EVPL: variants seen among roughly 807,000 people sequenced by gnomAD.
EVPL encodes 210 kDa cornified envelope precursor protein.
Under a neutral mutation model 129.7 loss-of-function variants are expected in EVPL, and 94 were observed. That is an observed-to-expected ratio of 0.72 (90% CI 0.61 to 0.86). The LOEUF (loss-of-function observed/expected upper bound fraction) is 0.86. Among genes scored for constraint, EVPL ranks in the 40% least tolerant of loss-of-function variants. The pLI, the probability that EVPL is intolerant of heterozygous loss-of-function variation, is 0.00. For synonymous variants in EVPL, 1,172 were observed against 1,191.1 expected, an observed-to-expected ratio of 0.98 and a Z score of 0.33; for missense variants, 2,625 against 2,721.1, an observed-to-expected ratio of 0.96 and a Z score of 0.79.
intron 9 of EVPL, among the ~76,000 whole-genome samples, chr17:76,020,102 CAAACCAGATAAACTT>C (rs1310541435): frequency 7.3e-5 from 11 of 151,598 alleles, no homozygotes; most frequent in Admixed American, 2.0e-4. Context: ...CAGCTAAACA[CAAACCAGATAAACTT>C]AAACCAGATA....
Position 76,007,605 on chromosome 17 carries a change from C to G in EVPL, c.5600G>C (p.Gly1867Ala), listed in dbSNP as rs767157285. ...KLLEAQAATG[G>A]IVDLLSRERY... Reference sequence around the variant, plus strand: ...CTCACGGCTGAGCAGGTCCACGATGCCCCCTGTGGCCGCCTGGGCCTCCAG... The same window carrying G: ...CTCACGGCTGAGCAGGTCCACGATGGCCCCTGTGGCCGCCTGGGCCTCCAG... The change falls in exon 22 of 22, where the codon GGC becomes GCC. Residue 1867 changes from glycine (G) to alanine (A), a missense_variant. Gly to Ala is a moderately conservative substitution (Grantham distance 60). Coordinates refer to ENST00000301607, the MANE Select transcript of EVPL (RefSeq NM_001988.4). This position sits in a 1 kb window ranked among gnomAD's most constrained non-coding sequence, Gnocchi z 8.8. 6.2e-7 allele frequency: 1 copy of G among 1,613,876 alleles called. No individual in the cohort carries two copies. Among genetic ancestry groups the G allele is most frequent in the African/African-American group, 1.3e-5 (1 of 75,068 alleles).
intron 8 of EVPL, 46 bp from the exon 9 acceptor site, chr17:76,021,609 C>CG: frequency 1.6e-6 from 2 of 1,283,918 alleles, no homozygotes; most frequent in East Asian, 3.0e-5. Context: ...CCCCCCACGT[C>CG]CGCCCCACCT....
At position 76,024,205 on chromosome 17, in the gene EVPL, A is replaced by G; in HGVS notation, c.99-85T>C. The G allele has an allele frequency of 7.8e-7, 1 of 1,279,194 alleles. No homozygotes were observed. Among genetic ancestry groups the G allele is most frequent in the Non-Finnish European group, 1.1e-6 (1 of 902,770 alleles). 79.2% of individuals were successfully genotyped at this position (1,279,194 alleles called of 1,614,324 possible). ...AGGTGGCATCCCCTGCCCTCCCTCCACCCCATCCTGCCCCCACAGCCTAGC... is the reference window on the plus strand; with the variant it reads ...AGGTGGCATCCCCTGCCCTCCCTCCGCCCCATCCTGCCCCCACAGCCTAGC... On this transcript the variant is annotated intron_variant, in intron 1 of 21. Coordinates refer to ENST00000301607, the MANE Select transcript of EVPL (RefSeq NM_001988.4). The surrounding 1 kb of genome is among the most constrained non-coding windows in gnomAD (Gnocchi z 4.5).
intron 1 of EVPL, among the ~76,000 whole-genome samples, chr17:76,026,465 T>C (rs1259335943): frequency 2.0e-5 from 3 of 152,214 alleles, no homozygotes; most frequent in Non-Finnish European, 2.9e-5. Context: ...TCCTCCCGCA[T>C]TGGCCTCCTG....
intron 2 of EVPL, among the ~76,000 whole-genome samples, 183 bp from the exon 3 acceptor site, chr17:76,023,837 C>G (rs893482335): frequency 1.3e-5 from 2 of 152,210 alleles, no homozygotes; most frequent in Non-Finnish European, 2.9e-5. Flanking sequence ...ACAGGGGAGC[C>G]CAGAAAAGAA....
At position 76,015,442 on chromosome 17, in the gene EVPL, G is replaced by T. The variant is rs1176883794; in HGVS notation, c.1889+8C>A. The T allele has an allele frequency of 1.9e-6, 3 of 1,611,204 alleles. No individual in the cohort carries two copies. Among genetic ancestry groups the T allele is most frequent in the Non-Finnish European group, 2.5e-6 (3 of 1,178,614 alleles). ...CCTGCGTGGCTGCCCTGTCCCCAGA[G>T]CACTCACTTCTCCCCGTAGAGGCTG... On this transcript the variant is annotated splice_region_variant and intron_variant, in intron 15 of 21. Coordinates refer to ENST00000301607, the MANE Select transcript of EVPL (RefSeq NM_001988.4).
Position 76,008,317 on chromosome 17 carries a change from T to C in EVPL, c.4888A>G (p.Lys1630Glu). The change falls in exon 22 of 22, where the codon AAG (lysine) becomes GAG (glutamate). Residue 1630 changes from lysine to glutamate, a missense_variant. Lys to Glu is a moderately conservative substitution (Grantham distance 56, BLOSUM62 1). This residue lies in a region of EVPL where 1,453 missense variants were observed against 1,511.8 expected (regional missense o/e 0.96). Transcript: ENST00000301607. This position sits in a 1 kb window ranked among gnomAD's most constrained non-coding sequence, Gnocchi z 7.4. The part of the protein sequence containing the change: ...LSQKTESERQ[K>E]AAQRGQELSR... ...AGCTCCTGGCCCCGCTGGGCCGCCT[T>C]CTGTCGCTCGCTCTCCGTCTTCTGG... 2 of 1,607,938 alleles carry C rather than the reference T, an allele frequency of 1.2e-6. No individual in the cohort carries two copies. The highest frequency in any genetic ancestry group is 1.1e-5 in the South Asian group (1 of 91,056).
intron 14 of EVPL, among the ~76,000 whole-genome samples, chr17:76,015,984 A>G (rs566951121): frequency 3.1e-4 from 47 of 152,204 alleles, no homozygotes; most frequent in Non-Finnish European, 5.1e-4. Flanking sequence ...TCTCTACTAA[A>G]AATACAAAAA....
chr17:76,007,929 G>C lies in EVPL; in HGVS notation c.5276C>G (p.Ser1759Cys). ...CTTGTACAGATGGTACTCCTCCTTA[G>C]AGATGCGCCGGCAGCGGAGGGCGGC... Reference protein sequence around the residue: ...IEAALRCRRISKEEYHLYKDG... With the variant: ...IEAALRCRRICKEEYHLYKDG... The change falls in exon 22 of 22, where the codon TCT becomes TGT. Residue 1759 changes from serine to cysteine, a missense_variant. Transcript: ENST00000301607. The surrounding 1 kb of genome is among the most constrained non-coding windows in gnomAD (Gnocchi z 8.8). 6.2e-7 allele frequency: 1 copy of C among 1,614,110 alleles called. No individual in the cohort carries two copies. The highest frequency in any genetic ancestry group is 8.5e-7 in the Non-Finnish European group (1 of 1,180,026).
At position 76,008,625 on chromosome 17, in the gene EVPL, T is replaced by C. The variant is rs144149788; in HGVS notation, c.4580A>G (p.Gln1527Arg). The change falls in exon 22 of 22, where the codon CAG becomes CGG. Residue 1527 changes from glutamine (Q) to arginine (R), a missense_variant. Coordinates refer to ENST00000301607, the MANE Select transcript of EVPL (RefSeq NM_001988.4). This position sits in a 1 kb window ranked among gnomAD's most constrained non-coding sequence, Gnocchi z 7.4. ...KTIYKEVIRVQKDRVLEDERA... is the reference protein window; with the variant it reads ...KTIYKEVIRVRKDRVLEDERA... ...CTCATCTTCCAGGACGCGGTCCTTC[T>C]GCACCCGGATCACTTCCTTGTAGAT... 2.2e-5 allele frequency: 36 copies of C among 1,612,222 alleles called. No individual in the cohort carries two copies. The highest frequency in any genetic ancestry group is 1.1e-5 in the South Asian group (1 of 91,092).
In EVPL at chr17:76,008,225, C is replaced by T. The variant is rs760779253; in HGVS notation, c.4980G>A (p.Arg1660=). The change falls in exon 22 of 22, where the codon CGG becomes CGA. Residue 1660 remains arginine, a synonymous_variant. Transcript: ENST00000301607. This position sits in a 1 kb window ranked among gnomAD's most constrained non-coding sequence, Gnocchi z 7.4. ...DQIYEKERTL[R]DLHAKVSREE... is the part of the protein sequence containing the mutation. ...CCCGGCTCACCTTGGCGTGGAGGTC[C>T]CGGAGCGTCCGCTCCTTCTCGTAGA... 1 of 1,613,890 alleles carries T rather than the reference C, an allele frequency of 6.2e-7. No individual in the cohort carries two copies. The highest frequency in any genetic ancestry group is 1.3e-5 in the African/African-American group (1 of 74,950).
chr17:76,010,363 G>C lies in EVPL; in HGVS notation c.2842C>G (p.Gln948Glu). 1 of 1,613,992 alleles carries C rather than the reference G, an allele frequency of 6.2e-7. No individual in the cohort carries two copies. Among genetic ancestry groups the C allele is most frequent in the Non-Finnish European group, 8.5e-7 (1 of 1,180,012 alleles). ...QRSQLLQLRTQRPLERLEEKE... is the reference protein window; with the variant it reads ...QRSQLLQLRTERPLERLEEKE... ...TCCTCCAGCCTCTCCAAGGGCCGCT[G>C]GGTCCTCAGCTGCAGCAGTTGGCTC... Residue 948 changes from glutamine to glutamate, a missense_variant, in exon 22 of 22, where the codon CAG becomes GAG. By Grantham distance (29) the Gln-to-Glu change is conservative. Coordinates refer to ENST00000301607, the MANE Select transcript of EVPL (RefSeq NM_001988.4).
rs781641644 is a variant in EVPL, at chr17:76,022,034, C to T, written c.646-6G>A. On this transcript the variant is annotated splice_polypyrimidine_tract_variant and splice_region_variant and intron_variant, in intron 6 of 21. Transcript: ENST00000301607. This position sits in a 1 kb window ranked among gnomAD's most constrained non-coding sequence, Gnocchi z 5.6. ...CCGCGCCACGACGCCGCCTTCTGTG[C>T]TCAGGACCCGCCGCCAGCAGCAGGG... 71 of 1,555,604 alleles carry T rather than the reference C, an allele frequency of 4.6e-5. No homozygotes were observed. Among genetic ancestry groups the T allele is most frequent in the Admixed American group, 7.5e-5 (4 of 53,202 alleles).
At chr17:76,021,608 T>TGCCCC in intron 8 of EVPL, 45 bp from the exon 9 acceptor site, 1 of 1,172,448 alleles carries the variant, frequency 8.5e-7, no homozygotes. Context: ...CCCCCCCACG[T>TGCCCC]CCGCCCCACC....
chr17:76,027,298 A>C lies in EVPL; in HGVS notation c.-100T>G. Reference sequence around the variant, plus strand: ...GGGCGTCCTCACTGGCTGGTCAGCTAAGTCTGGCGAGGTGGGGCGGCTGGG... The same window carrying C: ...GGGCGTCCTCACTGGCTGGTCAGCTCAGTCTGGCGAGGTGGGGCGGCTGGG... On this transcript the variant is annotated 5_prime_UTR_variant, in exon 1 of 22. Transcript: ENST00000301607. The C allele has an allele frequency of 1.2e-6, 1 of 864,818 alleles. No individual in the cohort carries two copies. Among genetic ancestry groups the C allele is most frequent in the Non-Finnish European group, 1.9e-6 (1 of 520,612 alleles). The allele number at this position is 864,818 out of a possible 1,614,324, so 53.6% of individuals were successfully genotyped here. A position where few individuals can be genotyped will look rare whatever the true frequency, so the allele number is the denominator to read the frequency against.
chr17:76,014,711 A>C, intron 17 of EVPL, 135 bp from the exon 18 acceptor site: 1 of 1,281,918 alleles, frequency 7.8e-7, no homozygotes. Flanking sequence ...GCAGATCCCC[A>C]CTCCCTGACC....
In EVPL at chr17:76,013,356, C is replaced by A. The variant is rs561490048; in HGVS notation, c.2373+1070G>T. 6.6e-6 allele frequency among the ~76,000 whole-genome samples: 1 copy of A among 152,304 alleles called. No homozygotes were observed. The highest frequency in any genetic ancestry group is 1.5e-5 in the Non-Finnish European group (1 of 68,026). On this transcript the variant is annotated intron_variant, in intron 18 of 21. Transcript: ENST00000301607. The surrounding 1 kb of genome is among the most constrained non-coding windows in gnomAD (Gnocchi z 4.3). ...TCTCATTTTCCGGCAGTCCCAGACC[C>A]ATCTTTGCTCTCACGAGCTCCTAGG...
Position 76,018,480 on chromosome 17 carries a change from C to T in EVPL, c.1405G>A (p.Ala469Thr). The T allele has an allele frequency of 6.2e-7, 1 of 1,612,594 alleles. No individual in the cohort carries two copies. Among genetic ancestry groups the T allele is most frequent in the Non-Finnish European group, 8.5e-7 (1 of 1,179,816 alleles). ...CTGGCCACAGCATCAGGGTCTGGTG[C>T]TGGGATGCAGAAGCAGGCGGCGGGA... ...RAPAACFCIP[A>T]PDPDAVARAS... is the part of the protein sequence containing the mutation. The change falls in exon 12 of 22, where the codon GCA becomes ACA. Residue 469 changes from alanine to threonine, a missense_variant. By Grantham distance (58) the Ala-to-Thr change is moderately conservative. Coordinates refer to ENST00000301607, the MANE Select transcript of EVPL (RefSeq NM_001988.4).
chr17:76,018,658 G>C, intron 11 of EVPL, 58 bp from the exon 12 acceptor site: 1 of 1,526,470 alleles, frequency 6.6e-7, no homozygotes, highest in East Asian at 2.3e-5. Context: ...GCCAAGGCCA[G>C]GGCAGAGTAG....
Sources: gnomAD v4.1 joint callset for allele counts (sites outside exome capture counted in the v4.1 genomes callset) on GRCh38, gnomAD v4.1.1 for gene constraint, gnomAD v4.1.1 regional missense constraint, Gnocchi (gnomAD v3.1) non-coding constraint, MANE v1.5 for transcripts, NCBI Gene and HGNC (gene_info 2026-07-23, HGNC 2026-07-21) for gene names.